PTTG1IP2: variants seen among roughly 807,000 people sequenced by gnomAD.
PTTG1IP2 encodes the protein PTTG1IP family member 2.
intron 2 of PTTG1IP2, among the ~76,000 whole-genome samples, chr7:90,481,215 G>T (rs1315687039): frequency 6.6e-6 from 1 of 151,912 alleles, no homozygotes; most frequent in Non-Finnish European, 1.5e-5. Context: ...TTTTTTGTGG[G>T]TACATAGTAG....
At chr7:90,488,255 C>T (rs1225569407) in intron 3 of PTTG1IP2, among the ~76,000 whole-genome samples, 1 of 151,986 alleles carries the variant, frequency 6.6e-6, no homozygotes, top group East Asian at 1.9e-4. Context: ...CCGGTACTAT[C>T]AGATATATTT....
chr7:90,487,509 T>G (rs1797888596), intron 3 of PTTG1IP2, 89 bp downstream of exon 3: 1 of 152,660 alleles, frequency 6.6e-6, no homozygotes, highest in African/African-American at 2.4e-5. Flanking sequence ...GATTATAAAT[T>G]ATTACATTTG....
chr7:90,473,628 C>A (rs1797714711), intron 1 of PTTG1IP2, among the ~76,000 whole-genome samples: 1 of 152,224 alleles, frequency 6.6e-6, no homozygotes, highest in Non-Finnish European at 1.5e-5. Flanking sequence ...TGATGTAAAA[C>A]TGAATTCTGA....
At chr7:90,480,022 A>G (rs887347668) in intron 2 of PTTG1IP2, among the ~76,000 whole-genome samples, 2 of 152,134 alleles carry the variant, frequency 1.3e-5, no homozygotes, top group African/African-American at 4.8e-5. Flanking sequence ...GGCTCATGGC[A>G]TTCTCCAGCC....
chr7:90,491,473 CTT>C (rs1177580597), intron 4 of PTTG1IP2, among the ~76,000 whole-genome samples: 1 of 151,076 alleles, frequency 6.6e-6, no homozygotes, highest in Non-Finnish European at 1.5e-5. Context: ...AAATACAAAA[CTT>C]AGCTGGGCGT....
At chr7:90,498,789 G>A (rs994782013) in intron 6 of PTTG1IP2, among the ~76,000 whole-genome samples, 1 of 152,108 alleles carries the variant, frequency 6.6e-6, no homozygotes, top group African/African-American at 2.4e-5. Context: ...TTAATATCTG[G>A]TAATGGTATT....
chr7:90,501,177 G>A lies in PTTG1IP2; in HGVS notation c.*50+6747G>A, dbSNP rs540056080. Among the ~76,000 whole-genome samples, 4 of 152,278 alleles carry A rather than the reference G, an allele frequency of 2.6e-5. 1 individual carries two copies. Among genetic ancestry groups the A allele is most frequent in the African/African-American group, 7.2e-5 (3 of 41,554 alleles). The stretch of plus-strand genomic sequence containing the variant: ...ATAGTAACTGAAAAAGGAAAGATAT[G>A]TAAACATAATATTTACTAGAAAAAG... On this transcript the variant is annotated intron_variant, in intron 6 of 6. Coordinates refer to ENST00000509356, the MANE Select transcript of PTTG1IP2 (RefSeq NM_001365443.2).
chr7:90,493,005 C>G (rs1797955602), intron 5 of PTTG1IP2, among the ~76,000 whole-genome samples: 1 of 152,174 alleles, frequency 6.6e-6, no homozygotes, highest in Non-Finnish European at 1.5e-5. Flanking sequence ...AGGTCTGGAT[C>G]CTGAAAACCC....
Position 90,498,124 on chromosome 7 carries a change from C to T in PTTG1IP2, c.*50+3694C>T, listed in dbSNP as rs182133660. Among the ~76,000 whole-genome samples the T allele has an allele frequency of 1.1e-3, 173 of 152,180 alleles. No individual in the cohort carries two copies. In the Middle Eastern group the frequency reaches 0.02, roughly 18 times the overall value. ...CACTGCAAGCTTTGCCTCCCCGGCT[C>T]ACGCCATTCTCCTGCCTCAGCCTCC... On this transcript the variant is annotated intron_variant, in intron 6 of 6. Transcript: ENST00000509356.
chr7:90,491,374 G>A (rs973384181), intron 4 of PTTG1IP2, among the ~76,000 whole-genome samples: 5 of 152,164 alleles, frequency 3.3e-5, no homozygotes, highest in African/African-American at 1.2e-4. Context: ...CGTAATCCCA[G>A]CACTTTGAGA....
intron 6 of PTTG1IP2, among the ~76,000 whole-genome samples, chr7:90,500,377 G>A (rs529330107): frequency 9.8e-5 from 15 of 152,304 alleles, no homozygotes; most frequent in Non-Finnish European, 1.9e-4. Context: ...AATTGATTCA[G>A]GAATGTGAGG....
chr7:90,498,607 C>A (rs1165884347), intron 6 of PTTG1IP2, among the ~76,000 whole-genome samples: 1 of 152,170 alleles, frequency 6.6e-6, no homozygotes, highest in Admixed American at 6.5e-5. Context: ...TACACCAACA[C>A]AATTTATTGT....
chr7:90,490,615 C>T (rs1242777093), intron 4 of PTTG1IP2, among the ~76,000 whole-genome samples: 1 of 152,014 alleles, frequency 6.6e-6, no homozygotes, highest in Non-Finnish European at 1.5e-5. Context: ...AACAAACATA[C>T]ACATATACAC....
intron 2 of PTTG1IP2, among the ~76,000 whole-genome samples, chr7:90,484,250 C>T (rs1797843756): frequency 6.6e-6 from 1 of 151,838 alleles, no homozygotes; most frequent in Non-Finnish European, 1.5e-5. Context: ...CACATCCCAT[C>T]CCCCAACCAC....
intron 1 of PTTG1IP2, among the ~76,000 whole-genome samples, chr7:90,474,474 T>C (rs1797725325): frequency 6.6e-6 from 1 of 152,182 alleles, no homozygotes; most frequent in Non-Finnish European, 1.5e-5. Context: ...AGAAGACTAA[T>C]GTAAGAGTGG....
intron 1 of PTTG1IP2, among the ~76,000 whole-genome samples, chr7:90,475,897 C>T (rs952990145): frequency 9.3e-5 from 14 of 150,198 alleles, no homozygotes; most frequent in African/African-American, 1.2e-4. Flanking sequence ...GCTGAGATCG[C>T]GCCACTGCAC....
At chr7:90,481,661 G>C (rs1422486814) in intron 2 of PTTG1IP2, among the ~76,000 whole-genome samples, 1 of 152,050 alleles carries the variant, frequency 6.6e-6, no homozygotes, top group Non-Finnish European at 1.5e-5. Flanking sequence ...TTTAGAGGAA[G>C]AATACCCCCT....
At chr7:90,494,555 A>T (rs758952963) in intron 6 of PTTG1IP2, 125 bp downstream of exon 6, 5 of 152,190 alleles carry the variant, frequency 3.3e-5, no homozygotes, top group Non-Finnish European at 5.9e-5. Context: ...TGTAAAATGT[A>T]GGCAGATTTT....
intron 1 of PTTG1IP2, among the ~76,000 whole-genome samples, chr7:90,476,960 A>T (rs1321316525): frequency 2.0e-5 from 3 of 152,140 alleles, no homozygotes; most frequent in Non-Finnish European, 4.4e-5. Context: ...TATTTTGCAT[A>T]ATATATTTTA....
Sources: gnomAD v4.1 joint callset for allele counts (sites outside exome capture counted in the v4.1 genomes callset) on GRCh38, gnomAD v4.1.1 for gene constraint, MANE v1.5 for transcripts, NCBI Gene and HGNC (gene_info 2026-07-23, HGNC 2026-07-21) for gene names.